BCAS3: variants seen among roughly 807,000 people sequenced by gnomAD.
BCAS3 encodes BCAS3 microtubule associated cell migration factor.
A neutral mutation model predicts 116.1 loss-of-function variants in BCAS3; 53 were observed. That is an observed-to-expected ratio of 0.46 (90% confidence interval 0.37 to 0.57). BCAS3 has a LOEUF of 0.57. Among genes scored for constraint, BCAS3 ranks in the 20% least tolerant of loss-of-function variants. The probability of loss-of-function intolerance (pLI) is 0.00; values close to 1 mark genes in which losing one functional copy is unlikely to be tolerated. For missense variants in BCAS3, 917 were observed against 1,165.4 expected (o/e 0.79, Z 3.10); for synonymous variants, 391 against 408.2 (o/e 0.96, Z 0.51).
chr17:61,297,720 AG>A (rs889200709), intron 22 of BCAS3, among the ~76,000 whole-genome samples: 1 of 152,152 alleles, frequency 6.6e-6, no homozygotes, highest in South Asian at 2.1e-4. Context: ...TCTGGTGGAG[AG>A]GGTGAAATCG....
intron 19 of BCAS3, among the ~76,000 whole-genome samples, chr17:61,053,457 C>T (rs1000805775): frequency 2.6e-5 from 4 of 152,134 alleles, no homozygotes; most frequent in African/African-American, 7.2e-5. Context: ...AAAAGGACAA[C>T]GATACAAAAA....
intron 14 of BCAS3, among the ~76,000 whole-genome samples, chr17:60,989,194 T>G (rs2060938927): frequency 2.6e-5 from 4 of 152,160 alleles, no homozygotes. Flanking sequence ...TGTAGAAAAC[T>G]TAAGTATCTG....
At position 61,233,195 on chromosome 17, in the gene BCAS3, A is replaced by C. The variant is rs2082795419; in HGVS notation, c.2426-135132A>C. On this transcript the variant is annotated intron_variant, in intron 22 of 23. Transcript: ENST00000407086. The surrounding 1 kb of genome is among the most constrained non-coding windows in gnomAD (Gnocchi z 4.3). ...ATCTAGCAACACTCTTTGAGGGATA[A>C]TGGAAAGGAGGTGATAAAGATTAGA... Among the ~76,000 whole-genome samples the C allele has an allele frequency of 6.6e-6, 1 of 152,228 alleles. No individual in the cohort carries two copies. Among genetic ancestry groups the C allele is most frequent in the African/African-American group, 2.4e-5 (1 of 41,450 alleles).
intron 6 of BCAS3, among the ~76,000 whole-genome samples, chr17:60,802,810 G>A (rs1248614086): frequency 3.9e-5 from 6 of 152,124 alleles, no homozygotes; most frequent in Non-Finnish European, 7.4e-5. Context: ...TGTATTTTTA[G>A]TAGAGATGGG....
chr17:61,263,521 CA>C, intron 22 of BCAS3, among the ~76,000 whole-genome samples: 1 of 152,290 alleles, frequency 6.6e-6, no homozygotes, highest in Non-Finnish European at 1.5e-5. Flanking sequence ...CCTCATGGGA[CA>C]CAGAACAAGG....
In BCAS3 at chr17:61,322,933, T is replaced by A. The variant is rs184558297; in HGVS notation, c.2426-45394T>A. Among the ~76,000 whole-genome samples, 3 of 151,940 alleles carry A rather than the reference T, an allele frequency of 2.0e-5. 1 individual carries two copies. Among genetic ancestry groups the A allele is most frequent in the Admixed American group, 2.0e-4 (3 of 15,240 alleles). ...GGCAAATCGTCATGGAATAAGAATC[T>A]GTTTGAGCACCCTGGGGTGAGGACT... On this transcript the variant is annotated intron_variant, in intron 22 of 23. Transcript: ENST00000407086.
chr17:60,851,780 T>C (rs2053192021), intron 7 of BCAS3: 5 of 1,140,162 alleles, frequency 4.4e-6, no homozygotes, highest in African/African-American at 3.0e-5. Context: ...GGTCCCTGTC[T>C]CCCTTCTTGT....
chr17:60,809,286 A>AAAAG (rs2048573796), intron 7 of BCAS3, among the ~76,000 whole-genome samples: 1 of 151,772 alleles, frequency 6.6e-6, no homozygotes, highest in African/African-American at 2.4e-5. Context: ...AAAAAAAAAA[A>AAAAG]AGAGAGAGTT....
rs191633495 is a variant in BCAS3, at chr17:61,187,097, T to C, written c.2425+102533T>C. The stretch of plus-strand genomic sequence containing the variant: ...TGAAGTAACCCTTATTTATTCAAAA[T>C]TTCAAGAGTATTAAAGTACCATTGG... On this transcript the variant is annotated intron_variant, in intron 22 of 23. Transcript: ENST00000407086. 2.8e-3 allele frequency among the ~76,000 whole-genome samples: 420 copies of C among 152,340 alleles called. 3 individuals carry two copies. Among genetic ancestry groups the C allele is most frequent in the Middle Eastern group, 0.017 (5 of 294 alleles).
At chr17:61,114,053 A>G (rs2075268719) in intron 22 of BCAS3, among the ~76,000 whole-genome samples, 1 of 151,754 alleles carries the variant, frequency 6.6e-6, no homozygotes, top group African/African-American at 2.4e-5. Flanking sequence ...TCATGCTAAA[A>G]ACTCTCAAGA....
At chr17:61,357,516 C>T (rs1009578857) in intron 22 of BCAS3, among the ~76,000 whole-genome samples, 1 of 149,114 alleles carries the variant, frequency 6.7e-6, no homozygotes, top group Non-Finnish European at 1.5e-5. Context: ...GCGATCTCGG[C>T]TCACTGCAGC....
intron 13 of BCAS3, among the ~76,000 whole-genome samples, chr17:60,927,860 TTAATA>T (rs1377867012): frequency 2.6e-5 from 4 of 152,142 alleles, no homozygotes; most frequent in Non-Finnish European, 4.4e-5. Flanking sequence ...AGCCTATAAT[TTAATA>T]TATTAACAAA....
intron 19 of BCAS3, among the ~76,000 whole-genome samples, chr17:61,060,468 T>C (rs2069893074): frequency 6.6e-6 from 1 of 152,102 alleles, no homozygotes; most frequent in Non-Finnish European, 1.5e-5. Flanking sequence ...GGATGATACA[T>C]ATAGTGTTAT....
chr17:60,877,689 G>A (rs923410111), intron 9 of BCAS3, among the ~76,000 whole-genome samples: 9 of 152,152 alleles, frequency 5.9e-5, no homozygotes, highest in Non-Finnish European at 4.4e-5. Context: ...ACTGTAGAAG[G>A]TACTTTAAAA....
chr17:61,299,225 C>T (rs920146705), intron 22 of BCAS3, among the ~76,000 whole-genome samples: 2 of 151,746 alleles, frequency 1.3e-5, no homozygotes, highest in African/African-American at 2.4e-5. Flanking sequence ...AGGTGGATCA[C>T]GAGGTCCGGA....
chr17:61,153,484 A>G (rs1442824686), intron 22 of BCAS3, among the ~76,000 whole-genome samples: 1 of 152,190 alleles, frequency 6.6e-6, no homozygotes, highest in Non-Finnish European at 1.5e-5. Flanking sequence ...TTTGCCCTTA[A>G]AAGATGCTAG....
chr17:60,977,813 CCTACAAAGGACATGAA>C lies in BCAS3; in HGVS notation c.1222-12155_1222-12140del, dbSNP rs1396685101. Among the ~76,000 whole-genome samples the C allele has an allele frequency of 4.0e-5, 6 of 149,894 alleles. No individual in the cohort carries two copies. In the East Asian group the frequency reaches 9.8e-4, roughly 24 times the overall value. On this transcript the variant is annotated intron_variant, in intron 14 of 23. Transcript: ENST00000407086. ...GATGATTTCCAATTTCATCCATGTC[CCTACAAAGGACATGAA>C]CTCATCATTTTTTATGGCTGCATAG... is the stretch of plus-strand genomic sequence containing the variant.
chr17:61,091,968 A>G (rs1234571367), intron 22 of BCAS3, among the ~76,000 whole-genome samples: 2 of 152,230 alleles, frequency 1.3e-5, no homozygotes, highest in Non-Finnish European at 2.9e-5. Context: ...CACCACTCAC[A>G]TAAAAACATA....
chr17:61,110,730 T>A (rs1450757802), intron 22 of BCAS3, among the ~76,000 whole-genome samples: 17 of 148,532 alleles, frequency 1.1e-4, no homozygotes, highest in African/African-American at 4.0e-4. Context: ...TCCAACTGGG[T>A]GGAGCCCACC....
Sources: allele counts gnomAD v4.1 joint callset (sites outside exome capture counted in the v4.1 genomes callset), GRCh38; gene constraint gnomAD v4.1.1; non-coding constraint Gnocchi (gnomAD v3.1); transcripts MANE v1.5; gene names NCBI Gene and HGNC (gene_info 2026-07-23, HGNC 2026-07-21).